Variants in EXOC6B observed in about 807,000 individuals in gnomAD.
EXOC6B encodes SEC15 homolog B.
EXOC6B carries 54 observed loss-of-function variants against 113.5 expected under a neutral mutation model. The observed-to-expected ratio is 0.48, with a 90% CI of 0.38 to 0.60. EXOC6B has a LOEUF of 0.60. EXOC6B is among the 20% of genes least tolerant of loss of function. The pLI, the probability that EXOC6B is intolerant of heterozygous loss-of-function variation, is 0.00. For missense variants in EXOC6B, 797 were observed against 977.5 expected, an observed-to-expected ratio of 0.82 and a Z score of 2.46; for synonymous variants, 357 against 339.0, an observed-to-expected ratio of 1.05 and a Z score of -0.58.
chr2:72,531,296 A>G (rs1322543003), intron 8 of EXOC6B, among the ~76,000 whole-genome samples: 1 of 152,196 alleles, frequency 6.6e-6, no homozygotes, highest in Non-Finnish European at 1.5e-5. Context: ...ACCATAGGAT[A>G]CTGGTGTTTC....
intron 1 of EXOC6B, among the ~76,000 whole-genome samples, chr2:72,745,098 G>C (rs944294952): frequency 6.6e-6 from 1 of 152,150 alleles, no homozygotes; most frequent in Non-Finnish European, 1.5e-5. Flanking sequence ...CCACTTTCAA[G>C]TTTAGTCAAC....
At chr2:72,369,840 A>G (rs1016820252) in intron 19 of EXOC6B, among the ~76,000 whole-genome samples, 3 of 152,220 alleles carry the variant, frequency 2.0e-5, no homozygotes, top group African/African-American at 7.2e-5. Context: ...TCCCTTCCTT[A>G]CACCTTATAC....
At chr2:72,461,264 C>T (rs1055326235) in intron 18 of EXOC6B, among the ~76,000 whole-genome samples, 1 of 147,008 alleles carries the variant, frequency 6.8e-6, no homozygotes, top group African/African-American at 2.5e-5. Flanking sequence ...TGCTAAATGA[C>T]GAGTTAATGA....
At chr2:72,599,025 A>C (rs1382799585) in intron 6 of EXOC6B, among the ~76,000 whole-genome samples, 1 of 152,104 alleles carries the variant, frequency 6.6e-6, no homozygotes, top group East Asian at 1.9e-4. Context: ...TAGAAGCAGA[A>C]AGATGCTTCC....
At chr2:72,229,772 A>C (rs946532476) in intron 20 of EXOC6B, among the ~76,000 whole-genome samples, 2 of 152,242 alleles carry the variant, frequency 1.3e-5, no homozygotes, top group Non-Finnish European at 2.9e-5. Flanking sequence ...ATATTAACTC[A>C]AAATATTTTT....
intron 20 of EXOC6B, among the ~76,000 whole-genome samples, chr2:72,217,553 T>G (rs76779032): frequency 6.6e-6 from 1 of 152,100 alleles, no homozygotes; most frequent in African/African-American, 2.4e-5. Flanking sequence ...AACTCCCCCA[T>G]TGGGGAGTTT....
chr2:72,344,465 C>G (rs1369679104), intron 19 of EXOC6B, among the ~76,000 whole-genome samples: 1 of 150,032 alleles, frequency 6.7e-6, no homozygotes, highest in South Asian at 2.1e-4. Flanking sequence ...TTTTTTTTTG[C>G]TTGCATGGGC....
intron 6 of EXOC6B, among the ~76,000 whole-genome samples, chr2:72,582,368 T>A (rs1348351164): frequency 6.6e-6 from 1 of 150,906 alleles, no homozygotes; most frequent in Non-Finnish European, 1.5e-5. Flanking sequence ...AACAAAAAAA[T>A]AAAAAAAGGC....
intron 1 of EXOC6B, among the ~76,000 whole-genome samples, chr2:72,807,639 T>C (rs62148070): frequency 1.2e-3 from 182 of 152,292 alleles, no homozygotes; most frequent in Non-Finnish European, 2.2e-3. Context: ...GTGGTACTTA[T>C]ATACAATGGA....
At chr2:72,255,313 T>C (rs1470889907) in intron 20 of EXOC6B, among the ~76,000 whole-genome samples, 4 of 152,234 alleles carry the variant, frequency 2.6e-5, no homozygotes, top group South Asian at 2.1e-4. Context: ...AGGATTGCTG[T>C]TGGGCTTAAC....
At chr2:72,749,170 T>C (rs1321916459) in intron 1 of EXOC6B, among the ~76,000 whole-genome samples, 2 of 152,024 alleles carry the variant, frequency 1.3e-5, no homozygotes, top group Non-Finnish European at 2.9e-5. Context: ...TAAGATAAGA[T>C]ATAAAAAAGT....
rs552543821 is a variant in EXOC6B at position 72,647,775 on chromosome 2, T to G, written c.669+70328A>C. ...CCTTTCTTACACCTTATACAAAAAT[T>G]AATTCAAGATGGATTAAAGACTTAA... On this transcript the variant is annotated intron_variant, in intron 6 of 21. Coordinates refer to ENST00000272427, the MANE Select transcript of EXOC6B (RefSeq NM_015189.3). 3.3e-5 allele frequency among the ~76,000 whole-genome samples: 5 copies of G among 152,264 alleles called. No homozygotes were observed. In the East Asian group the frequency reaches 9.7e-4, roughly 29 times the overall value.
rs576805668 is a variant in EXOC6B, at chr2:72,498,692, G to A, written c.1240-141C>T. On this transcript the variant is annotated intron_variant, in intron 12 of 21. Transcript: ENST00000272427. ...ACAGCAAATTAAATAAAACCATTTA[G>A]TAGAATCTTTCATTCACACCTAATA... The A allele has an allele frequency of 8.4e-5, 49 of 580,426 alleles. 1 individual carries two copies. In the South Asian group the frequency reaches 9.0e-4, roughly 11 times the overall value. The allele number at this position is 580,426 out of a possible 1,614,324, so 36.0% of individuals were successfully genotyped here. A position where few individuals can be genotyped will look rare whatever the true frequency, so the allele number is the denominator to read the frequency against.
At chr2:72,823,483 A>AAAAAAAAAAAAAG (rs1686713884) in intron 1 of EXOC6B, among the ~76,000 whole-genome samples, 2 of 138,276 alleles carry the variant, frequency 1.4e-5, no homozygotes, top group East Asian at 2.0e-4. Context: ...AAAAAACAAA[A>AAAAAAAAAAAAAG]AACAAAAAAA....
At chr2:72,387,610 C>A (rs1464013966) in intron 18 of EXOC6B, among the ~76,000 whole-genome samples, 1 of 151,984 alleles carries the variant, frequency 6.6e-6, no homozygotes, top group Non-Finnish European at 1.5e-5. Context: ...AACCAAGTCA[C>A]CTACATGGTC....
At chr2:72,690,582 C>T (rs1478462648) in intron 6 of EXOC6B, among the ~76,000 whole-genome samples, 1 of 152,148 alleles carries the variant, frequency 6.6e-6, no homozygotes, top group Non-Finnish European at 1.5e-5. Context: ...TTACCAAATG[C>T]AGTAGTCTTT....
chr2:72,739,870 T>C (rs1249202938), intron 2 of EXOC6B, among the ~76,000 whole-genome samples: 1 of 152,160 alleles, frequency 6.6e-6, no homozygotes, highest in East Asian at 1.9e-4. Flanking sequence ...GATACTGTTG[T>C]ACAGGTCCAT....
intron 1 of EXOC6B, among the ~76,000 whole-genome samples, chr2:72,781,983 A>G (rs1458460222): frequency 6.6e-6 from 1 of 151,960 alleles, no homozygotes; most frequent in African/African-American, 2.4e-5. Flanking sequence ...TACTAAAAAT[A>G]CAAAAAATTA....
intron 18 of EXOC6B, among the ~76,000 whole-genome samples, chr2:72,431,258 ATTCATAAC>A: frequency 6.6e-6 from 1 of 152,314 alleles, no homozygotes; most frequent in South Asian, 2.1e-4. Flanking sequence ...CTTTTAGAAA[ATTCATAAC>A]TTGGCTTCAA....
Sources: allele counts gnomAD v4.1 joint callset (sites outside exome capture counted in the v4.1 genomes callset), GRCh38; gene constraint gnomAD v4.1.1; transcripts MANE v1.5; gene names NCBI Gene and HGNC (gene_info 2026-07-23, HGNC 2026-07-21).